The following DHRS3 variants were observed in gnomAD, a reference collection of about 807,000 sequenced individuals.
DHRS3 encodes short-chain dehydrogenase/reductase 3.
In DHRS3, 14 loss-of-function variants were observed where a neutral mutation model predicts 27.2. That is an observed-to-expected ratio of 0.52 (90% CI 0.34 to 0.81). The LOEUF (loss-of-function observed/expected upper bound fraction) is 0.81. DHRS3 is among the 30% of genes least tolerant of loss of function. The probability of loss-of-function intolerance (pLI) is 0.01; values close to 1 mark genes in which losing one functional copy is unlikely to be tolerated. For missense variants in DHRS3, 322 were observed against 406.2 expected (o/e 0.79, Z 1.78); for synonymous variants, 165 against 175.9 (o/e 0.94, Z 0.49).
At chr1:12,585,771 GGGTCCCACCCAAGGCCATCAT>G in intron 1 of DHRS3, among the ~76,000 whole-genome samples, 1 of 152,226 alleles carries the variant, frequency 6.6e-6, no homozygotes, top group Admixed American at 6.5e-5. Flanking sequence ...GACAGGACAA[GGGTCCCACCCAAGGCCATCAT>G]GAGCATGAGG....
intron 2 of DHRS3, 58 bp from the exon 3 acceptor site, chr1:12,579,470 T>C (rs1456119115): frequency 2.5e-6 from 4 of 1,585,954 alleles, no homozygotes; most frequent in Non-Finnish European, 3.4e-6. Flanking sequence ...GCCAACGATA[T>C]ATGTTTTTTG....
intron 1 of DHRS3, among the ~76,000 whole-genome samples, chr1:12,604,987 G>T (rs1314096694): frequency 6.8e-6 from 1 of 147,328 alleles, no homozygotes; most frequent in Non-Finnish European, 1.5e-5. Context: ...GGAGGCAGGA[G>T]AATCGTTTGA....
chr1:12,618,134 C>A lies in DHRS3; in HGVS notation c.-786G>T, dbSNP rs1646958520. Among the ~76,000 whole-genome samples the A allele has an allele frequency of 6.6e-6, 1 of 152,104 alleles. No homozygotes were observed. Among genetic ancestry groups the A allele is most frequent in the African/African-American group, 2.4e-5 (1 of 41,428 alleles). On this transcript the variant is annotated 5_prime_UTR_variant, in exon 1 of 6. The change creates a premature stop within an existing upstream ORF in the 5' untranslated region. Transcript: ENST00000616661. The surrounding 1 kb of genome is among the most constrained non-coding windows in gnomAD (Gnocchi z 4.2). ...CCGCTCGATCCAGCTCCCCTTCTCT[C>A]CCTTTTTAGCATTTATTGCCTTCTT...
intron 5 of DHRS3, 43 bp downstream of exon 5, chr1:12,572,685 C>T (rs1437719721): frequency 2.4e-5 from 37 of 1,555,164 alleles, no homozygotes; most frequent in South Asian, 4.7e-5. Flanking sequence ...AGATCACATG[C>T]GTACTTTCCC....
At chr1:12,615,962 C>G (rs1016035624) in intron 1 of DHRS3, among the ~76,000 whole-genome samples, 1 of 152,190 alleles carries the variant, frequency 6.6e-6, no homozygotes, top group Non-Finnish European at 1.5e-5. Flanking sequence ...CTCCGGCCAG[C>G]CCGGCTAGGG....
chr1:12,590,108 C>T (rs1350304672), intron 1 of DHRS3, among the ~76,000 whole-genome samples: 1 of 152,110 alleles, frequency 6.6e-6, no homozygotes, highest in African/African-American at 2.4e-5. Context: ...GCTGTCAAAA[C>T]TGTCCACCTG....
At chr1:12,602,079 A>G (rs1370959894) in intron 1 of DHRS3, among the ~76,000 whole-genome samples, 1 of 152,232 alleles carries the variant, frequency 6.6e-6, no homozygotes, top group African/African-American at 2.4e-5. Flanking sequence ...ACAAGCAGCC[A>G]CAAAGCGTGG....
At chr1:12,573,997 A>G in intron 4 of DHRS3, among the ~76,000 whole-genome samples, 1 of 151,972 alleles carries the variant, frequency 6.6e-6, no homozygotes, top group Non-Finnish European at 1.5e-5. Flanking sequence ...TCCCACAAAG[A>G]GCTTGTGATC....
In DHRS3 at chr1:12,591,551, C is replaced by T. The variant is rs896185176; in HGVS notation, c.196-10885G>A. ...GCGGACGTCCAGCCTGGAACTGGCC[C>T]GCTTGGGAGGCACAGGAATGACAGT... On this transcript the variant is annotated intron_variant, in intron 1 of 5. Transcript: ENST00000616661. The surrounding 1 kb of genome is among the most constrained non-coding windows in gnomAD (Gnocchi z 4.1). 1.3e-5 allele frequency among the ~76,000 whole-genome samples: 2 copies of T among 152,248 alleles called. No homozygotes were observed. The highest frequency in any genetic ancestry group is 2.4e-5 in the African/African-American group (1 of 41,460).
chr1:12,570,921 T>C (rs983408627), intron 5 of DHRS3, among the ~76,000 whole-genome samples: 1 of 152,220 alleles, frequency 6.6e-6, no homozygotes, highest in East Asian at 1.9e-4. Flanking sequence ...TGCGCCTCAG[T>C]TTCGAGGTTT....
In DHRS3 at chr1:12,608,473, G is replaced by C. The variant is rs1188074013; in HGVS notation, c.195+8681C>G. ...CAAAGGAATGACATCACTGCTGGAG[G>C]ATCCTGCTGAAGTCATGCTGAGAAG... On this transcript the variant is annotated intron_variant, in intron 1 of 5. Transcript: ENST00000616661. This position sits in a 1 kb window ranked among gnomAD's most constrained non-coding sequence, Gnocchi z 4.1. Among the ~76,000 whole-genome samples, 1 of 152,122 alleles carries C rather than the reference G, an allele frequency of 6.6e-6. No homozygotes were observed. The highest frequency in any genetic ancestry group is 2.4e-5 in the African/African-American group (1 of 41,426).
chr1:12,614,325 G>A (rs1438233692), intron 1 of DHRS3, among the ~76,000 whole-genome samples: 1 of 152,146 alleles, frequency 6.6e-6, no homozygotes, highest in East Asian at 1.9e-4. Flanking sequence ...GAGGGAAGGG[G>A]AATAAGTTTA....
At chr1:12,589,458 G>A (rs559674285) in intron 1 of DHRS3, among the ~76,000 whole-genome samples, 34 of 146,908 alleles carry the variant, frequency 2.3e-4, no homozygotes, top group Non-Finnish European at 4.7e-4. Context: ...GCGCGATCTC[G>A]GCTCACTGCC....
In DHRS3 at chr1:12,592,509, G is replaced by A. The variant is rs923752845; in HGVS notation, c.196-11843C>T. Among the ~76,000 whole-genome samples, 1 of 152,196 alleles carries A rather than the reference G, an allele frequency of 6.6e-6. No individual in the cohort carries two copies. Among genetic ancestry groups the A allele is most frequent in the Non-Finnish European group, 1.5e-5 (1 of 68,028 alleles). On this transcript the variant is annotated intron_variant, in intron 1 of 5. Coordinates refer to ENST00000616661, the MANE Select transcript of DHRS3 (RefSeq NM_004753.7). The surrounding 1 kb of genome is among the most constrained non-coding windows in gnomAD (Gnocchi z 4.2). The stretch of plus-strand genomic sequence containing the variant: ...GCAGTGAGGCGGCCACAAGCCACGC[G>A]ATGCCAGGAGCTGCCAAGAGCCACC...
chr1:12,585,022 T>C (rs1646681224), intron 1 of DHRS3, among the ~76,000 whole-genome samples: 1 of 151,742 alleles, frequency 6.6e-6, no homozygotes, highest in Admixed American at 6.6e-5. Context: ...TCTCTGTGTG[T>C]GTGTGTGTCT....
intron 1 of DHRS3, chr1:12,616,628 T>C (rs1646946219): frequency 1.0e-5 from 10 of 991,226 alleles, no homozygotes; most frequent in Non-Finnish European, 1.2e-5. Flanking sequence ...GACTACTGCA[T>C]ACAAGACCGC....
intron 4 of DHRS3, among the ~76,000 whole-genome samples, chr1:12,573,108 C>T (rs1021999018): frequency 6.6e-6 from 1 of 152,212 alleles, no homozygotes; most frequent in Non-Finnish European, 1.5e-5. Context: ...CCAAGCCCTC[C>T]AAGGGCTCCC....
In DHRS3 at chr1:12,568,112, C is replaced by A; in HGVS notation, c.*228G>T. The stretch of plus-strand genomic sequence containing the variant: ...CAGAACTGGAAATGTTCAAAAGTGT[C>A]AAGGTGGCTTCTGGCTGTTTTCCTG... On this transcript the variant is annotated 3_prime_UTR_variant, in exon 6 of 6. Transcript: ENST00000616661. The A allele has an allele frequency of 2.0e-6, 1 of 489,842 alleles. No individual in the cohort carries two copies. 30.3% of individuals were successfully genotyped at this position (489,842 alleles called of 1,614,324 possible).
chr1:12,598,174 G>A (rs1260863161), intron 1 of DHRS3, among the ~76,000 whole-genome samples: 1 of 152,166 alleles, frequency 6.6e-6, no homozygotes, highest in East Asian at 1.9e-4. Context: ...AGGGGAAAGA[G>A]GAATAATAAC....
Sources: allele counts gnomAD v4.1 joint callset (sites outside exome capture counted in the v4.1 genomes callset), GRCh38; gene constraint gnomAD v4.1.1; non-coding constraint Gnocchi (gnomAD v3.1); transcripts MANE v1.5; gene names NCBI Gene and HGNC (gene_info 2026-07-23, HGNC 2026-07-21).